The following AHNAK2 variants were observed in gnomAD, a reference collection of about 807,000 sequenced individuals.
The protein encoded by AHNAK2 is protein AHNAK2.
A neutral mutation model predicts 30.7 loss-of-function variants in AHNAK2; 18 were observed. The observed-to-expected ratio is 0.59, with a 90% CI of 0.41 to 0.87. AHNAK2 has a LOEUF of 0.87. Among genes scored for constraint, AHNAK2 ranks in the 40% least tolerant of loss-of-function variants. The pLI, the probability that AHNAK2 is intolerant of heterozygous loss-of-function variation, is 0.00. For missense variants in AHNAK2, 8,604 were observed against 7,373.0 expected (o/e 1.17, Z -6.11); for synonymous variants, 3,590 against 3,073.8 (o/e 1.17, Z -5.56).
In AHNAK2 at chr14:104,950,221, C is replaced by T. The variant is rs368840104; in HGVS notation, c.5230G>A (p.Val1744Met). 1.3e-5 allele frequency: 20 copies of T among 1,585,646 alleles called. 1 individual carries two copies. Among genetic ancestry groups the T allele is most frequent in the Non-Finnish European group, 1.6e-5 (19 of 1,162,818 alleles). Residue 1744 changes from valine (V) to methionine (M), a missense_variant, in exon 7 of 7, where the codon GTG becomes ATG. Physicochemically the swap from Val to Met is conservative, Grantham distance 21. Coordinates refer to ENST00000333244, the MANE Select transcript of AHNAK2 (RefSeq NM_138420.4). ...GGCATCTTCAAACTGGGCATCTGCACCTTGGGGAGGTGCCCTTTGAAGCCG... is the reference window on the plus strand; with the variant it reads ...GGCATCTTCAAACTGGGCATCTGCATCTTGGGGAGGTGCCCTTTGAAGCCG... ...GAGFKGHLPK[V>M]QMPSLKMPKV...
In AHNAK2 at chr14:104,950,381, A is replaced by G. The variant is rs199542674; in HGVS notation, c.5070T>C (p.Ala1690=). The G allele has an allele frequency of 4.6e-3, 7,196 of 1,573,724 alleles. 848 individuals are homozygous for G. In the African/African-American group the frequency reaches 0.052, roughly 11 times the overall value. ...SVDVSEPKVE[A]DVSLPSMQGD... ...CCTGCATGGAGGGGAGGCTCACATCAGCTTCCACCTTCGGCTCAGACACAT... is the reference window on the plus strand; with the variant it reads ...CCTGCATGGAGGGGAGGCTCACATCGGCTTCCACCTTCGGCTCAGACACAT... The change falls in exon 7 of 7, where the codon GCT becomes GCC. Residue 1690 remains alanine, a synonymous_variant. Coordinates refer to ENST00000333244, the MANE Select transcript of AHNAK2 (RefSeq NM_138420.4).
At chr14:104,977,514 A>T (rs1899624605) in intron 1 of AHNAK2, among the ~76,000 whole-genome samples, 1 of 152,130 alleles carries the variant, frequency 6.6e-6, no homozygotes, top group Admixed American at 6.5e-5. Flanking sequence ...CTGTGGCCTG[A>T]CTTTGACCCC....
At chr14:104,965,144 C>T (rs919470562) in intron 1 of AHNAK2, among the ~76,000 whole-genome samples, 2 of 152,090 alleles carry the variant, frequency 1.3e-5, no homozygotes, top group Non-Finnish European at 2.9e-5. Flanking sequence ...CAATGTAGCC[C>T]AGGGAAGCCA....
In AHNAK2 at chr14:104,954,639, C is replaced by T. The variant is rs770749614; in HGVS notation, c.812G>A (p.Arg271Gln). 7.8e-5 allele frequency: 126 copies of T among 1,612,818 alleles called. No individual in the cohort carries two copies. Among genetic ancestry groups the T allele is most frequent in the South Asian group, 2.9e-4 (26 of 90,966 alleles). ...GTGTGACCTCTGGGGTCCCGGCCCC[C>T]GCTTGCTCTTTATGGATTGAAATTT... ...WPKFQSIKSK[R>Q]GPGPQRSHSS... Residue 271 changes from arginine (R) to glutamine (Q), a missense_variant, in exon 7 of 7, where the codon CGG becomes CAG. Transcript: ENST00000333244. This position sits in a 1 kb window ranked among gnomAD's most constrained non-coding sequence, Gnocchi z 4.3.
At chr14:104,976,993 G>A (rs1020707516) in intron 1 of AHNAK2, among the ~76,000 whole-genome samples, 2 of 152,148 alleles carry the variant, frequency 1.3e-5, no homozygotes, top group Non-Finnish European at 2.9e-5. Flanking sequence ...TCCCATCTGC[G>A]ACACCGTGAA....
chr14:104,974,280 C>G (rs888184472), intron 1 of AHNAK2, among the ~76,000 whole-genome samples: 2 of 152,218 alleles, frequency 1.3e-5, no homozygotes, highest in African/African-American at 4.8e-5. Flanking sequence ...GCTCCCTTAG[C>G]TAACCTGGCC....
rs781782112 is a variant in AHNAK2, at chr14:104,944,716, T to C, written c.10735A>G (p.Lys3579Glu). ...VDLKGPQIDVKGPKLDLKGPK... is the reference protein window; with the variant it reads ...VDLKGPQIDVEGPKLDLKGPK... ...CCTTTCAGGTCCAGCTTGGGGCCCT[T>C]AACATCTATCTGGGGGCCCTTGAGG... Residue 3579 changes from lysine to glutamate, a missense_variant, in exon 7 of 7, where the codon AAG (lysine) becomes GAG (glutamate). Transcript: ENST00000333244. The C allele has an allele frequency of 6.2e-6, 10 of 1,612,036 alleles. No homozygotes were observed. The highest frequency in any genetic ancestry group is 8.5e-6 in the Non-Finnish European group (10 of 1,179,326).
In AHNAK2 at chr14:104,938,756, A is replaced by G. The variant is rs181079678; in HGVS notation, c.16695T>C (p.Asp5565=). The G allele has an allele frequency of 2.9e-4, 464 of 1,613,876 alleles. 3 individuals are homozygous for G. In the East Asian group the frequency reaches 9.4e-3, roughly 33 times the overall value. The part of the protein sequence containing the change: ...ATPGVDSISG[D]LQPDTGEPFE... ...ATGGTTCTCCAGTGTCAGGCTGGAGATCTCCAGAAATGGAGTCTACTCCTG... is the reference window on the plus strand; with the variant it reads ...ATGGTTCTCCAGTGTCAGGCTGGAGGTCTCCAGAAATGGAGTCTACTCCTG... The change falls in exon 7 of 7, where the codon GAT becomes GAC. Residue 5565 remains aspartate, a synonymous_variant. Coordinates refer to ENST00000333244, the MANE Select transcript of AHNAK2 (RefSeq NM_138420.4).
intron 1 of AHNAK2, among the ~76,000 whole-genome samples, chr14:104,977,120 G>C (rs938599234): frequency 6.6e-6 from 1 of 152,222 alleles, no homozygotes; most frequent in African/African-American, 2.4e-5. Context: ...TGCAGCTGGG[G>C]GGCATGCCCA....
Position 104,954,495 on chromosome 14 carries a change from C to A in AHNAK2, c.956G>T (p.Arg319Met), listed in dbSNP as rs750410805. 1 of 1,612,630 alleles carries A rather than the reference C, an allele frequency of 6.2e-7. No individual in the cohort carries two copies. The highest frequency in any genetic ancestry group is 8.5e-7 in the Non-Finnish European group (1 of 1,179,572). ...TCTGAGGTTGAGGAACTTCCGCCTC[C>A]TCTGGCTGCCCGGCCCTGCCTTCTG... Reference protein sequence around the residue: ...QEQKAGPGSQRRRKFLNLRFR... With the variant: ...QEQKAGPGSQMRRKFLNLRFR... Residue 319 changes from arginine (R) to methionine (M), a missense_variant, in exon 7 of 7, where the codon AGG becomes ATG. Physicochemically the swap from Arg to Met is moderately conservative, Grantham distance 91. Transcript: ENST00000333244. This position sits in a 1 kb window ranked among gnomAD's most constrained non-coding sequence, Gnocchi z 4.3.
Position 104,941,241 on chromosome 14 carries a change from G to C in AHNAK2, c.14210C>G (p.Ser4737Ter). 1 of 1,613,628 alleles carries C rather than the reference G, an allele frequency of 6.2e-7. No individual in the cohort carries two copies. The highest frequency in any genetic ancestry group is 1.1e-5 in the South Asian group (1 of 91,066). ...TTCAAAACTTGAGCATTCTGAAGAT[G>C]ATAAAGGAATCGTGGAAAGACCTAT... ...SSIGLSTIPL[S>*]SSECSSFELQ... Residue 4737 changes from serine (S) to a stop codon, truncating the protein, a stop_gained, in exon 7 of 7, where the codon TCA becomes TGA. Transcript: ENST00000333244. LOFTEE classifies it low-confidence loss of function (END_TRUNC).
chr14:104,969,340 T>C (rs1345134285), intron 1 of AHNAK2, among the ~76,000 whole-genome samples: 1 of 152,228 alleles, frequency 6.6e-6, no homozygotes. Context: ...CCTGGCAGCC[T>C]CTCCGTGCCT....
At position 104,952,165 on chromosome 14, in the gene AHNAK2, G is replaced by T. The variant is rs201268922; in HGVS notation, c.3286C>A (p.Leu1096Ile). The change falls in exon 7 of 7, where the codon CTC becomes ATC. Residue 1096 changes from leucine to isoleucine, a missense_variant. Coordinates refer to ENST00000333244, the MANE Select transcript of AHNAK2 (RefSeq NM_138420.4). The stretch of plus-strand genomic sequence containing the variant: ...TTGACGTCCACCTGGGGGCCCTTGA[G>T]GGCCACTTTGGGCATCTTGAAACTG... ...MPSFKMPKVA[L>I]KGPQVDVKGP... The T allele has an allele frequency of 0.061, 97,662 of 1,591,682 alleles. 4,105 individuals are homozygous for T. The highest frequency in any genetic ancestry group is 0.27 in the East Asian group (11,974 of 43,592).
Position 104,944,047 on chromosome 14 carries a change from T to A in AHNAK2, c.11404A>T (p.Lys3802Ter). The part of the protein sequence containing the change: ...ADKDVTAKDS[K>*]FKMPKFKMPS... ...ATCTTGAACTTGGGCATTTTGAATT[T>A]GCTGTCTTTGGCAGTCACATCCTTG... Residue 3802 changes from lysine (K) to a stop codon, truncating the protein, a stop_gained, in exon 7 of 7, where the codon AAA becomes TAA. Transcript: ENST00000333244. LOFTEE classifies it low-confidence loss of function (END_TRUNC). 1 of 1,613,040 alleles carries A rather than the reference T, an allele frequency of 6.2e-7. No homozygotes were observed. Among genetic ancestry groups the A allele is most frequent in the Non-Finnish European group, 8.5e-7 (1 of 1,179,548 alleles).
rs1897885985 is a variant in AHNAK2, at chr14:104,938,723, CATCTCAAAT to C, written c.16719_16727del (p.Phe5574_Met5576del). The C allele has an allele frequency of 1.2e-6, 2 of 1,613,670 alleles. No homozygotes were observed. The highest frequency in any genetic ancestry group is 2.7e-5 in the African/African-American group (2 of 75,024). On this transcript the variant is annotated inframe_deletion, in exon 7 of 7. Transcript: ENST00000333244. Reference sequence around the variant, plus strand: ...CCAGTACATTGACGCTGGAAGAGATCATCTCAAATGGTTCTCCAGTGTCAGGCTGGAGAT... The same window carrying C: ...CCAGTACATTGACGCTGGAAGAGATCGGTTCTCCAGTGTCAGGCTGGAGAT...
chr14:104,939,565 C>T lies in AHNAK2; in HGVS notation c.15886G>A (p.Glu5296Lys). The change falls in exon 7 of 7, where the codon GAG (glutamate) becomes AAG (lysine). Residue 5296 changes from glutamate (E) to lysine (K), a missense_variant. Transcript: ENST00000333244. The stretch of plus-strand genomic sequence containing the variant: ...CCTTTGGATGGATGGATCCTGACCT[C>T]AGAAGTGGAAAGCTCATCCCCAGTC... ...GMTGDELSTS[E>K]VRIHPSKGPL... is the part of the protein sequence containing the mutation. 1.2e-6 allele frequency: 2 copies of T among 1,613,858 alleles called. No individual in the cohort carries two copies. The highest frequency in any genetic ancestry group is 1.7e-6 in the Non-Finnish European group (2 of 1,179,898).
Position 104,953,586 on chromosome 14 carries a change from T to C in AHNAK2, c.1865A>G (p.Asp622Gly). 1 of 1,614,064 alleles carries C rather than the reference T, an allele frequency of 6.2e-7. No homozygotes were observed. The highest frequency in any genetic ancestry group is 8.5e-7 in the Non-Finnish European group (1 of 1,179,906). Reference protein sequence around the residue: ...GREGEATATADRREQRRTEEG... With the variant: ...GREGEATATAGRREQRRTEEG... Reference sequence around the variant, plus strand: ...CTCTGTGCGTCTCTGTTCTCTTCTATCAGCTGTTGCTGTGGCCTCTCCTTC... The same window carrying C: ...CTCTGTGCGTCTCTGTTCTCTTCTACCAGCTGTTGCTGTGGCCTCTCCTTC... Residue 622 changes from aspartate (D) to glycine (G), a missense_variant, in exon 7 of 7, where the codon GAT becomes GGT. Physicochemically the swap from Asp to Gly is moderately conservative, Grantham distance 94. Coordinates refer to ENST00000333244, the MANE Select transcript of AHNAK2 (RefSeq NM_138420.4).
Position 104,954,485 on chromosome 14 carries a change from C to T in AHNAK2, c.966G>A (p.Lys322=), listed in dbSNP as rs1475288921. ...KAGPGSQRRR[K]FLNLRFRTGS... ...CTGTCCTGAATCTGAGGTTGAGGAACTTCCGCCTCCTCTGGCTGCCCGGCC... is the reference window on the plus strand; with the variant it reads ...CTGTCCTGAATCTGAGGTTGAGGAATTTCCGCCTCCTCTGGCTGCCCGGCC... Residue 322 remains lysine, a synonymous_variant, in exon 7 of 7, where the codon AAG becomes AAA. Coordinates refer to ENST00000333244, the MANE Select transcript of AHNAK2 (RefSeq NM_138420.4). The surrounding 1 kb of genome is among the most constrained non-coding windows in gnomAD (Gnocchi z 4.3). The T allele has an allele frequency of 1.2e-6, 2 of 1,612,566 alleles. No individual in the cohort carries two copies. The highest frequency in any genetic ancestry group is 1.7e-5 in the Admixed American group (1 of 59,908).
chr14:104,961,192 A>G (rs771519452), intron 1 of AHNAK2, among the ~76,000 whole-genome samples: 5 of 151,850 alleles, frequency 3.3e-5, no homozygotes, highest in Non-Finnish European at 7.4e-5. Flanking sequence ...GAAGTAAAGC[A>G]TATGACAGGA....
Sources: gnomAD v4.1 joint callset for allele counts (sites outside exome capture counted in the v4.1 genomes callset) on GRCh38, gnomAD v4.1.1 for gene constraint, Gnocchi (gnomAD v3.1) non-coding constraint, MANE v1.5 for transcripts, NCBI Gene and HGNC (gene_info 2026-07-23, HGNC 2026-07-21) for gene names.